The following TXNRD3 variants were observed in gnomAD, a reference collection of about 807,000 sequenced individuals.
TXNRD3 encodes TXNRD3 neighbor gene protein.
In TXNRD3, 68 loss-of-function variants were observed where a neutral mutation model predicts 78.2. The observed-to-expected ratio is 0.87, with a 90% CI of 0.72 to 1.06. The LOEUF is 1.06. Ranked by LOEUF, TXNRD3 falls within the 50% of genes least tolerant of loss-of-function variation. The probability of loss-of-function intolerance (pLI) is 0.00; values close to 1 mark genes in which losing one functional copy is unlikely to be tolerated. For synonymous variants in TXNRD3, 296 were observed against 300.1 expected (o/e 0.99, Z 0.14); for missense variants, 751 against 809.5 (o/e 0.93, Z 0.88).
chr3:126,646,072 G>T, intron 3 of TXNRD3, 39 bp downstream of exon 3: 6 of 1,419,184 alleles, frequency 4.2e-6, no homozygotes, highest in South Asian at 1.4e-5. Context: ...TTTAAAATAT[G>T]AACAAACAGC....
intron 10 of TXNRD3, 120 bp from the exon 11 acceptor site, chr3:126,622,660 C>A: frequency 1.4e-6 from 1 of 713,894 alleles, no homozygotes; most frequent in Non-Finnish European, 2.2e-6. Context: ...ACAATCTATG[C>A]CAATAAAGCT....
At chr3:126,650,702 T>C (rs1387440717) in intron 1 of TXNRD3, among the ~76,000 whole-genome samples, 1 of 152,164 alleles carries the variant, frequency 6.6e-6, no homozygotes, top group African/African-American at 2.4e-5. Flanking sequence ...CATTTTCCAA[T>C]GAATCTTCCT....
Position 126,654,804 on chromosome 3 carries a change from T to C in TXNRD3, c.187A>G (p.Ile63Val), listed in dbSNP as rs1238390305. The change falls in exon 1 of 16, where the codon ATC (isoleucine) becomes GTC (valine). Residue 63 changes from isoleucine to valine, a missense_variant. By Grantham distance (29) the Ile-to-Val change is conservative. Transcript: ENST00000524230. The stretch of plus-strand genomic sequence containing the variant: ...AAGATCACCACCCGGCTGCGCTCGA[T>C]GAGGCCCACGAGGTGGCGGCGCAGC... 2.1e-6 allele frequency: 3 copies of C among 1,431,680 alleles called. No homozygotes were observed. In the African/African-American group the frequency reaches 4.5e-5, roughly 21 times the overall value. 88.7% of individuals were successfully genotyped at this position (1,431,680 alleles called of 1,614,324 possible).
intron 2 of TXNRD3, among the ~76,000 whole-genome samples, chr3:126,646,890 T>A (rs1000985067): frequency 6.6e-6 from 1 of 152,218 alleles, no homozygotes; most frequent in African/African-American, 2.4e-5. Context: ...CCCTGGTGGA[T>A]GACACAGCCA....
At chr3:126,641,206 T>C (rs979022998) in intron 6 of TXNRD3, among the ~76,000 whole-genome samples, 10 of 152,162 alleles carry the variant, frequency 6.6e-5, no homozygotes, top group Non-Finnish European at 1.2e-4. Context: ...CAAATAAGCA[T>C]CATTTTCTTT....
Position 126,629,366 on chromosome 3 carries a change from A to G in TXNRD3, c.1290+13T>C. The G allele has an allele frequency of 6.6e-7, 1 of 1,515,856 alleles. No individual in the cohort carries two copies. The highest frequency in any genetic ancestry group is 8.8e-7 in the Non-Finnish European group (1 of 1,132,702). The allele number at this position is 1,515,856 out of a possible 1,614,324, so 93.9% of individuals were successfully genotyped here. A position where few individuals can be genotyped will look rare whatever the true frequency, so the allele number is the denominator to read the frequency against. ...GTGTTCAATAACTTAGTAATGATAA[A>G]ATAAAAACTCACTGTGTTATAGACT... On this transcript the variant is annotated intron_variant, in intron 10 of 15. Transcript: ENST00000524230.
At chr3:126,647,189 G>T (rs968537157) in intron 2 of TXNRD3, 47 bp downstream of exon 2, 6 of 1,369,248 alleles carry the variant, frequency 4.4e-6, no homozygotes, top group Non-Finnish European at 5.9e-6. Context: ...AGTCAATCTC[G>T]CTGGCATTTA....
At chr3:126,646,030 T>C in intron 3 of TXNRD3, 81 bp downstream of exon 3, 2 of 1,161,158 alleles carry the variant, frequency 1.7e-6, no homozygotes, top group Non-Finnish European at 2.3e-6. Flanking sequence ...AGTGGACTCC[T>C]AAAAACCATT....
chr3:126,624,965 T>C (rs1260785082), intron 10 of TXNRD3: 3 of 189,220 alleles, frequency 1.6e-5, no homozygotes, highest in African/African-American at 7.0e-5. Flanking sequence ...GAATATTTAA[T>C]AGGCATGTGG....
At chr3:126,615,147 T>C (rs972464565) in intron 13 of TXNRD3, among the ~76,000 whole-genome samples, 1 of 152,170 alleles carries the variant, frequency 6.6e-6, no homozygotes, top group Non-Finnish European at 1.5e-5. Context: ...ACTTATAGAT[T>C]ACACTTCCCT....
At chr3:126,622,266 T>C (rs1213755620) in intron 11 of TXNRD3, among the ~76,000 whole-genome samples, 198 bp downstream of exon 11, 1 of 152,250 alleles carries the variant, frequency 6.6e-6, no homozygotes. Context: ...CATTGTTTAA[T>C]ATATGAGCTT....
At chr3:126,654,629 G>C (rs888719629) in intron 1 of TXNRD3, 119 bp downstream of exon 1, 10 of 488,130 alleles carry the variant, frequency 2.0e-5, no homozygotes, top group Non-Finnish European at 3.0e-5. Flanking sequence ...ACGGACGGCT[G>C]ACCTCACCGC....
intron 9 of TXNRD3, 118 bp downstream of exon 9, chr3:126,630,594 A>T: frequency 9.2e-7 from 1 of 1,089,962 alleles, no homozygotes; most frequent in Non-Finnish European, 1.3e-6. Context: ...TAGACTTGGG[A>T]GTGGAAACAC....
At chr3:126,633,674 C>G (rs1379113903) in intron 7 of TXNRD3, among the ~76,000 whole-genome samples, 1 of 152,086 alleles carries the variant, frequency 6.6e-6, no homozygotes, top group Admixed American at 6.5e-5. Flanking sequence ...GCAATAAAAT[C>G]AAAGACAAAT....
At chr3:126,638,136 G>T (rs1932953804) in intron 6 of TXNRD3, among the ~76,000 whole-genome samples, 1 of 151,328 alleles carries the variant, frequency 6.6e-6, no homozygotes, top group South Asian at 2.1e-4. Flanking sequence ...GTAGAGACAG[G>T]GTTTCATTGT....
intron 6 of TXNRD3, among the ~76,000 whole-genome samples, chr3:126,639,115 C>T (rs1035162657): frequency 1.3e-5 from 2 of 152,232 alleles, no homozygotes; most frequent in Non-Finnish European, 2.9e-5. Flanking sequence ...GGCTTCTCCC[C>T]TCTTGGACTC....
intron 12 of TXNRD3, among the ~76,000 whole-genome samples, chr3:126,617,738 T>C (rs1938350229): frequency 6.6e-6 from 1 of 152,154 alleles, no homozygotes; most frequent in Non-Finnish European, 1.5e-5. Context: ...GCAGTCAGGA[T>C]GAGAAAGAAA....
chr3:126,652,874 G>T (rs1933422249), intron 1 of TXNRD3, among the ~76,000 whole-genome samples: 1 of 152,200 alleles, frequency 6.6e-6, no homozygotes. Context: ...TAATCATATA[G>T]ATGCAAACAA....
chr3:126,639,334 GT>G (rs1200030755), intron 6 of TXNRD3, among the ~76,000 whole-genome samples: 1 of 152,042 alleles, frequency 6.6e-6, no homozygotes, highest in Non-Finnish European at 1.5e-5. Context: ...AACTCTCTTG[GT>G]TTTCCTCCTT....
Sources: gnomAD v4.1 joint callset for allele counts (sites outside exome capture counted in the v4.1 genomes callset) on GRCh38, gnomAD v4.1.1 for gene constraint, MANE v1.5 for transcripts, NCBI Gene and HGNC (gene_info 2026-07-23, HGNC 2026-07-21) for gene names.